TRAK1: variants seen among roughly 807,000 people sequenced by gnomAD.
TRAK1 encodes the protein trafficking kinesin-binding protein 1.
Under a neutral mutation model 92.1 loss-of-function variants are expected in TRAK1, and 33 were observed. That is an observed-to-expected ratio of 0.36 (90% CI 0.27 to 0.48). The LOEUF is 0.48. Among genes scored for constraint, TRAK1 ranks in the 20% least tolerant of loss-of-function variants. The pLI, the probability that TRAK1 is intolerant of heterozygous loss-of-function variation, is 0.99. For synonymous variants in TRAK1, 521 were observed against 517.3 expected, an observed-to-expected ratio of 1.01 and a Z score of -0.10; for missense variants, 1,123 against 1,257.9, an observed-to-expected ratio of 0.89 and a Z score of 1.62.
At chr3:42,163,724 C>T (rs1342200986) in intron 2 of TRAK1, among the ~76,000 whole-genome samples, 1 of 152,110 alleles carries the variant, frequency 6.6e-6, no homozygotes, top group Non-Finnish European at 1.5e-5. Context: ...TCATAGATAA[C>T]AGTGTATCTG....
In TRAK1 at chr3:42,058,841, T is replaced by C. The variant is rs1255577599; in HGVS notation, c.-518-28263T>C. Among the ~76,000 whole-genome samples the C allele has an allele frequency of 5.9e-5, 9 of 152,300 alleles. No homozygotes were observed. The East Asian group carries it at 9.6e-4, about 16-fold the overall frequency. On this transcript the variant is annotated intron_variant, in intron 1 of 16. Transcript: ENST00000487159. ...TAAGAAAGCAAAAAATGCTACAAAG[T>C]AAGCATAGTAAAGGACGATTGGCTA...
intron 1 of TRAK1, among the ~76,000 whole-genome samples, chr3:42,073,228 TG>T (rs1704009846): frequency 6.6e-6 from 1 of 152,334 alleles, no homozygotes; most frequent in East Asian, 1.9e-4. Flanking sequence ...CAGTTGTCCT[TG>T]ACCCTTTGTC....
At chr3:42,143,742 A>G (rs530999973) in intron 2 of TRAK1, among the ~76,000 whole-genome samples, 3 of 152,138 alleles carry the variant, frequency 2.0e-5, no homozygotes, top group Non-Finnish European at 4.4e-5. Flanking sequence ...TTTCGGCTGC[A>G]GTAAACCTGG....
chr3:42,089,356 C>T (rs375075194), upstream of TRAK1, among the ~76,000 whole-genome samples: 7 of 152,132 alleles, frequency 4.6e-5, no homozygotes, highest in East Asian at 1.2e-3. Context: ...GCTACCCTTG[C>T]CTCCCTAAAA....
At chr3:42,061,724 A>G (rs1470644971) in intron 1 of TRAK1, among the ~76,000 whole-genome samples, 5 of 152,172 alleles carry the variant, frequency 3.3e-5, no homozygotes, top group African/African-American at 1.2e-4. Flanking sequence ...CTTCTTTCCC[A>G]TCTAATTTAT....
chr3:42,089,045 T>A (rs1292746795), upstream of TRAK1, among the ~76,000 whole-genome samples: 2 of 152,194 alleles, frequency 1.3e-5, no homozygotes, highest in African/African-American at 2.4e-5. Context: ...CACTTAGATG[T>A]CTAACAGGCA....
intron 13 of TRAK1, chr3:42,203,032 T>A: frequency 8.0e-7 from 1 of 1,244,586 alleles, no homozygotes; most frequent in Non-Finnish European, 1.0e-6. Context: ...TTCCTTTGCC[T>A]TTAGAACCTT....
intron 1 of TRAK1, among the ~76,000 whole-genome samples, chr3:42,116,735 G>A (rs997224563): frequency 6.6e-6 from 1 of 152,124 alleles, no homozygotes; most frequent in Non-Finnish European, 1.5e-5. Flanking sequence ...CATAGCCAGG[G>A]GTCATGCTCT....
chr3:42,197,626 T>A (rs932030200), intron 10 of TRAK1, among the ~76,000 whole-genome samples: 1 of 152,258 alleles, frequency 6.6e-6, no homozygotes, highest in African/African-American at 2.4e-5. Context: ...ATAAGCTGGC[T>A]TAAAAGATGT....
chr3:42,093,662 C>T lies in TRAK1; in HGVS notation c.91+2102C>T, dbSNP rs1705445918. Among the ~76,000 whole-genome samples the T allele has an allele frequency of 5.8e-5, 2 of 34,576 alleles. 1 individual carries two copies. The highest frequency in any genetic ancestry group is 1.9e-3 in the East Asian group (2 of 1,026). The allele number at this position is 34,576 out of a possible 152,430, so 22.7% of individuals were successfully genotyped here. A position where few individuals can be genotyped will look rare whatever the true frequency, so the allele number is the denominator to read the frequency against. On this transcript the variant is annotated intron_variant, in intron 1 of 15. Transcript: ENST00000327628. The stretch of plus-strand genomic sequence containing the variant: ...TCTCTTTTTTCTCCCCTTCCCTTCC[C>T]TTCCCTCCCCTCCCCTCCCCTCCCC...
At position 42,210,223 on chromosome 3, in the gene TRAK1, C is replaced by G; in HGVS notation, c.1963+238C>G. ...GTTCCAGGCACCATCCGTAGTGGTTCTCTGTCTGTAGCTTCCGCTCGTCTG... is the reference window on the plus strand; with the variant it reads ...GTTCCAGGCACCATCCGTAGTGGTTGTCTGTCTGTAGCTTCCGCTCGTCTG... On this transcript the variant is annotated intron_variant, in intron 14 of 15. Coordinates refer to ENST00000327628, the MANE Select transcript of TRAK1 (RefSeq NM_001042646.3). 5.2e-6 allele frequency: 8 copies of G among 1,539,224 alleles called. No individual in the cohort carries two copies. The Middle Eastern group carries it at 1.4e-3, about 271-fold the overall frequency.
chr3:42,216,073 T>C (rs79695775), intron 14 of TRAK1, among the ~76,000 whole-genome samples: 8,182 of 152,266 alleles, frequency 0.054, 274 homozygotes, highest in Middle Eastern at 0.078. Context: ...AATTGTATTA[T>C]GGGCGGCCAG....
chr3:42,187,658 G>A (rs1219323502), intron 4 of TRAK1, among the ~76,000 whole-genome samples: 3 of 151,924 alleles, frequency 2.0e-5, no homozygotes, highest in Admixed American at 1.3e-4. Flanking sequence ...GTAGAGACGG[G>A]GTTTCACCAT....
chr3:42,079,477 CT>C (rs748826131), intron 1 of TRAK1, among the ~76,000 whole-genome samples: 13,955 of 136,052 alleles, frequency 0.1, 567 homozygotes, highest in East Asian at 0.18. Flanking sequence ...GCTCCTTCTT[CT>C]TTTTTTTTTT....
chr3:42,194,625 T>C (rs1193688675), intron 9 of TRAK1, among the ~76,000 whole-genome samples, 179 bp from the exon 10 acceptor site: 2 of 152,174 alleles, frequency 1.3e-5, no homozygotes, highest in Non-Finnish European at 2.9e-5. Context: ...TTGCCTCAAG[T>C]CAAAGAAAAA....
intron 6 of TRAK1, among the ~76,000 whole-genome samples, chr3:42,189,541 C>CT (rs971308107): frequency 3.2e-4 from 48 of 151,314 alleles, no homozygotes; most frequent in East Asian, 5.8e-4. Flanking sequence ...TTCTTTTTTT[C>CT]TTTTTTTTTG....
At chr3:42,116,894 C>T (rs1709233451) in intron 1 of TRAK1, among the ~76,000 whole-genome samples, 1 of 152,182 alleles carries the variant, frequency 6.6e-6, no homozygotes, top group African/African-American at 2.4e-5. Flanking sequence ...TTCTTTGTCA[C>T]CTTTAATGTG....
chr3:42,024,000 C>T (rs1275912914), intron 1 of TRAK1, among the ~76,000 whole-genome samples: 1 of 151,992 alleles, frequency 6.6e-6, no homozygotes, highest in Admixed American at 6.5e-5. Context: ...GGTGATTCGC[C>T]CTCCTTGGCC....
At chr3:42,098,234 A>G (rs142172896) in intron 1 of TRAK1, among the ~76,000 whole-genome samples, 1 of 151,638 alleles carries the variant, frequency 6.6e-6, no homozygotes, top group Admixed American at 6.6e-5. Flanking sequence ...TTTCTTTTTA[A>G]TAATTATACA....
Sources: allele counts gnomAD v4.1 joint callset (sites outside exome capture counted in the v4.1 genomes callset), GRCh38; gene constraint gnomAD v4.1.1; transcripts MANE v1.5; gene names NCBI Gene and HGNC (gene_info 2026-07-23, HGNC 2026-07-21).